Variants in ZDHHC21 observed in about 807,000 individuals in gnomAD.
ZDHHC21 encodes the protein zDHHC palmitoyltransferase 21, also known as palmitoyltransferase ZDHHC21.
In ZDHHC21, 15 loss-of-function variants were observed where a neutral mutation model predicts 34.6. That is an observed-to-expected ratio of 0.43 (90% confidence interval 0.29 to 0.67). The LOEUF is 0.67. Ranked by LOEUF, ZDHHC21 falls within the 30% of genes least tolerant of loss-of-function variation. The pLI is 0.14. For synonymous variants in ZDHHC21, 142 were observed against 101.8 expected (o/e 1.40, Z -2.38); for missense variants, 344 against 327.7 (o/e 1.05, Z -0.38).
chr9:14,612,310 A>G lies in ZDHHC21; in HGVS notation c.*6656T>C, dbSNP rs979229546. ...TAACAATAATGCAAAATATTTTCAA[A>G]TGTGAATGTCTGCCTTTCCAATATA... is the stretch of plus-strand genomic sequence containing the variant. On this transcript the variant is annotated 3_prime_UTR_variant, in exon 10 of 10. Transcript: ENST00000380916. 5 of 151,996 alleles carry G rather than the reference A, an allele frequency of 3.3e-5. No homozygotes were observed. Among genetic ancestry groups the G allele is most frequent in the African/African-American group, 1.2e-4 (5 of 41,428 alleles). The allele number at this position is 151,996 out of a possible 1,614,324, so 9.4% of individuals were successfully genotyped here.
At chr9:14,599,935 G>C in the ZDHHC21 span, among the ~76,000 whole-genome samples, 1 of 152,098 alleles carries the variant, frequency 6.6e-6, no homozygotes, top group African/African-American at 2.4e-5. Flanking sequence ...TGCAGAAAAG[G>C]CCTTAGATAA....
chr9:14,678,467 A>T (rs551119791), intron 3 of ZDHHC21, among the ~76,000 whole-genome samples: 1 of 152,088 alleles, frequency 6.6e-6, no homozygotes, highest in Non-Finnish European at 1.5e-5. Context: ...CTGATTAGGA[A>T]TTAACAAGGT....
rs1823410172 is a variant in ZDHHC21 at position 14,612,166 on chromosome 9, C to T, written c.*6800G>A. 6.6e-6 allele frequency: 1 copy of T among 151,990 alleles called. No individual in the cohort carries two copies. The highest frequency in any genetic ancestry group is 6.6e-5 in the Admixed American group (1 of 15,220). The allele number at this position is 151,990 out of a possible 1,614,324, so 9.4% of individuals were successfully genotyped here. On this transcript the variant is annotated 3_prime_UTR_variant, in exon 10 of 10. Coordinates refer to ENST00000380916, the MANE Select transcript of ZDHHC21 (RefSeq NM_178566.6). Reference sequence around the variant, plus strand: ...TATGTTCATCTAGATTTCTACATATCGTTCAAATGATCTGAAGCCACATTT... The same window carrying T: ...TATGTTCATCTAGATTTCTACATATTGTTCAAATGATCTGAAGCCACATTT...
Position 14,662,309 on chromosome 9 carries a change from A to G in ZDHHC21, c.271T>C (p.Leu91=). 5.0e-6 allele frequency: 8 copies of G among 1,609,362 alleles called. No individual in the cohort carries two copies. Among genetic ancestry groups the G allele is most frequent in the Non-Finnish European group, 6.8e-6 (8 of 1,178,376 alleles). ...IPHGEREFWE[L]CNKCNLMRPK... ...CTCATCAAATTACACTTGTTACATA[A>G]TTCCCAGAACTCCCTTTCTAAAGAA... is the stretch of plus-strand genomic sequence containing the variant. The change falls in exon 6 of 10, where the codon TTA becomes CTA. Residue 91 remains leucine (L), a synonymous_variant. Transcript: ENST00000380916.
At chr9:14,681,894 C>T (rs375703214) in intron 2 of ZDHHC21, among the ~76,000 whole-genome samples, 1 of 152,048 alleles carries the variant, frequency 6.6e-6, no homozygotes, top group African/African-American at 2.4e-5. Context: ...TTCAACATTC[C>T]TAAAGAAAAG....
At chr9:14,680,436 T>C (rs1235220763) in intron 2 of ZDHHC21, among the ~76,000 whole-genome samples, 1 of 152,188 alleles carries the variant, frequency 6.6e-6, no homozygotes, top group African/African-American at 2.4e-5. Context: ...AAGCATTATA[T>C]GTCCAGTATT....
intron 2 of ZDHHC21, among the ~76,000 whole-genome samples, chr9:14,681,931 A>T (rs1564394913): frequency 6.6e-6 from 1 of 152,172 alleles, no homozygotes; most frequent in Non-Finnish European, 1.5e-5. Context: ...TTTCATATCC[A>T]GCCAAACTAA....
At chr9:14,652,956 C>T (rs1269042907) in intron 7 of ZDHHC21, among the ~76,000 whole-genome samples, 2 of 151,914 alleles carry the variant, frequency 1.3e-5, no homozygotes, top group East Asian at 1.9e-4. Flanking sequence ...CACCTATCTA[C>T]GTGAAAGGGT....
rs572014532 is a variant in ZDHHC21, at chr9:14,664,248, G to A, written c.254-1922C>T. Among the ~76,000 whole-genome samples the A allele has an allele frequency of 3.9e-5, 6 of 152,224 alleles. No individual in the cohort carries two copies. The East Asian group carries it at 1.2e-3, about 30-fold the overall frequency. ...TTTCCGAGTCAAAGAAAGGGGTGAC[G>A]GACGCACCTGGAAAATCGGGTCACT... On this transcript the variant is annotated intron_variant, in intron 5 of 9. Coordinates refer to ENST00000380916, the MANE Select transcript of ZDHHC21 (RefSeq NM_178566.6).
rs1487393904 is a variant in ZDHHC21, at chr9:14,612,855, C to G, written c.*6111G>C. On this transcript the variant is annotated 3_prime_UTR_variant, in exon 10 of 10. Coordinates refer to ENST00000380916, the MANE Select transcript of ZDHHC21 (RefSeq NM_178566.6). ...AGCCACTAAAGATTACACACACACA[C>G]ACACACACACACACACACACACACA... is the stretch of plus-strand genomic sequence containing the variant. 3 of 86,838 alleles carry G rather than the reference C, an allele frequency of 3.5e-5. No individual in the cohort carries two copies. The highest frequency in any genetic ancestry group is 6.2e-5 in the Non-Finnish European group (3 of 48,256). The allele number at this position is 86,838 out of a possible 1,614,324, so 5.4% of individuals were successfully genotyped here.
intron 2 of ZDHHC21, among the ~76,000 whole-genome samples, chr9:14,688,595 C>A (rs373816967): frequency 1.3e-4 from 19 of 151,976 alleles, no homozygotes; most frequent in Admixed American, 2.6e-4. Flanking sequence ...GGCACAGTGG[C>A]TCATGCCTGT....
At chr9:14,666,679 C>G (rs1170010801) in intron 5 of ZDHHC21, among the ~76,000 whole-genome samples, 1 of 104,662 alleles carries the variant, frequency 9.6e-6, no homozygotes, top group African/African-American at 3.2e-5. Context: ...CAAACTAGAA[C>G]TCAGGATTAA....
Position 14,672,939 on chromosome 9 carries a change from A to C in ZDHHC21, c.155-11T>G. 7.0e-7 allele frequency: 1 copy of C among 1,432,720 alleles called. No individual in the cohort carries two copies. Among genetic ancestry groups the C allele is most frequent in the Non-Finnish European group, 9.5e-7 (1 of 1,047,200 alleles). 88.8% of individuals were successfully genotyped at this position (1,432,720 alleles called of 1,614,324 possible). ...AAATGCCATAGAATACTTTAAAATAAATAAATTAAATAAATTAGTCACTTA... is the reference window on the plus strand; with the variant it reads ...AAATGCCATAGAATACTTTAAAATACATAAATTAAATAAATTAGTCACTTA... On this transcript the variant is annotated splice_polypyrimidine_tract_variant and intron_variant, in intron 4 of 9. Transcript: ENST00000380916.
At chr9:14,681,032 T>C (rs1391319829) in intron 2 of ZDHHC21, among the ~76,000 whole-genome samples, 2 of 152,168 alleles carry the variant, frequency 1.3e-5, no homozygotes, top group African/African-American at 4.8e-5. Flanking sequence ...AGAGAAAATC[T>C]GAGTAAACTG....
intron 7 of ZDHHC21, 50 bp downstream of exon 7, chr9:14,658,699 C>T: frequency 1.3e-6 from 2 of 1,526,382 alleles, no homozygotes; most frequent in Non-Finnish European, 1.8e-6. Flanking sequence ...TCTCGATCTC[C>T]TGACCTCGTG....
rs531436168 is a variant in ZDHHC21, at chr9:14,614,418, A to G, written c.*4548T>C. The G allele has an allele frequency of 6.6e-6, 1 of 151,880 alleles. No individual in the cohort carries two copies. Among genetic ancestry groups the G allele is most frequent in the South Asian group, 2.1e-4 (1 of 4,828 alleles). 9.4% of individuals were successfully genotyped at this position (151,880 alleles called of 1,614,324 possible). A position where few individuals can be genotyped will look rare whatever the true frequency, so the allele number is the denominator to read the frequency against. On this transcript the variant is annotated 3_prime_UTR_variant, in exon 10 of 10. Coordinates refer to ENST00000380916, the MANE Select transcript of ZDHHC21 (RefSeq NM_178566.6). ...GCTAAAAATTGCACAATGATAATAAAAGAAGTCAGAAAAGTCACTTTCCTG... is the reference window on the plus strand; with the variant it reads ...GCTAAAAATTGCACAATGATAATAAGAGAAGTCAGAAAAGTCACTTTCCTG...
At chr9:14,639,425 G>C (rs547109553) in intron 8 of ZDHHC21, among the ~76,000 whole-genome samples, 15 of 152,162 alleles carry the variant, frequency 9.9e-5, no homozygotes, top group African/African-American at 2.6e-4. Context: ...GAAGAAATAA[G>C]TTATAATGCT....
At position 14,660,499 on chromosome 9, in the gene ZDHHC21, T is replaced by C. The variant is rs544898678; in HGVS notation, c.366-1612A>G. On this transcript the variant is annotated intron_variant, in intron 6 of 9. Coordinates refer to ENST00000380916, the MANE Select transcript of ZDHHC21 (RefSeq NM_178566.6). Reference sequence around the variant, plus strand: ...TTAAGTAGTGCAATTTCTGAAAACATCAAAAATTTTCCTTGCTTCCAATTT... The same window carrying C: ...TTAAGTAGTGCAATTTCTGAAAACACCAAAAATTTTCCTTGCTTCCAATTT... Among the ~76,000 whole-genome samples, 515 of 149,978 alleles carry C rather than the reference T, an allele frequency of 3.4e-3. 2 individuals carry two copies. The highest frequency in any genetic ancestry group is 0.014 in the Middle Eastern group (4 of 290).
Position 14,616,129 on chromosome 9 carries a change from A to C in ZDHHC21, c.*2837T>G, listed in dbSNP as rs1322960146. ...ATCATTTCAAAACTGAGTAAAATAA[A>C]CTAAATGTAGTTTTTTAGATATTCA... On this transcript the variant is annotated 3_prime_UTR_variant, in exon 10 of 10. Coordinates refer to ENST00000380916, the MANE Select transcript of ZDHHC21 (RefSeq NM_178566.6). 1 of 151,812 alleles carries C rather than the reference A, an allele frequency of 6.6e-6. No homozygotes were observed. The highest frequency in any genetic ancestry group is 1.5e-5 in the Non-Finnish European group (1 of 67,770). 9.4% of individuals were successfully genotyped at this position (151,812 alleles called of 1,614,324 possible). A position where few individuals can be genotyped will look rare whatever the true frequency, so the allele number is the denominator to read the frequency against.
Sources: gnomAD v4.1 joint callset for allele counts (sites outside exome capture counted in the v4.1 genomes callset) on GRCh38, gnomAD v4.1.1 for gene constraint, MANE v1.5 for transcripts, NCBI Gene and HGNC (gene_info 2026-07-23, HGNC 2026-07-21) for gene names.